The following VHLL variants were observed in gnomAD, a reference collection of about 807,000 sequenced individuals.
The protein encoded by VHLL is VHL like, also known as von Hippel-Lindau-like protein.
Under a neutral mutation model 3.5 loss-of-function variants are expected in VHLL, and 4 were observed. The ratio of observed to expected loss-of-function variants is 1.13; its 90% CI spans 0.56 to 2.59. VHLL has a LOEUF of 2.59. VHLL is among the 30% of genes most tolerant of loss of function. The pLI is 0.02. For missense variants in VHLL, 155 were observed against 178.2 expected (o/e 0.87, Z 0.74); for synonymous variants, 77 against 76.0 (o/e 1.01, Z -0.07).
At position 156,299,281 on chromosome 1, in the gene VHLL, G is replaced by C. The variant is rs1002032550; in HGVS notation, c.-92C>G. On this transcript the variant is annotated 5_prime_UTR_variant, in exon 1 of 1. Coordinates refer to ENST00000339922, the MANE Select transcript of VHLL (RefSeq NM_001004319.3). ...CCGGATTTCGGCAAGAGTTACAATG[G>C]AATCAGAAAGGCTGGGAGTATATAA... is the stretch of plus-strand genomic sequence containing the variant. 1.2e-5 allele frequency: 18 copies of C among 1,465,520 alleles called. No individual in the cohort carries two copies. The highest frequency in any genetic ancestry group is 2.8e-5 in the South Asian group (2 of 72,604). The allele number at this position is 1,465,520 out of a possible 1,614,324, so 90.8% of individuals were successfully genotyped here.
In VHLL at chr1:156,299,282, A is replaced by C; in HGVS notation, c.-93T>G. 2 of 1,468,252 alleles carry C rather than the reference A, an allele frequency of 1.4e-6. No homozygotes were observed. The highest frequency in any genetic ancestry group is 2.3e-5 in the Admixed American group (1 of 43,454). The allele number at this position is 1,468,252 out of a possible 1,614,324, so 91.0% of individuals were successfully genotyped here. A position where few individuals can be genotyped will look rare whatever the true frequency, so the allele number is the denominator to read the frequency against. On this transcript the variant is annotated 5_prime_UTR_variant, in exon 1 of 1. The change creates a new upstream start codon in the 5' untranslated region. Transcript: ENST00000339922. ...CGGATTTCGGCAAGAGTTACAATGG[A>C]ATCAGAAAGGCTGGGAGTATATAAC...
At position 156,299,127 on chromosome 1, in the gene VHLL, G is replaced by T; in HGVS notation, c.63C>A (p.Gly21=). The T allele has an allele frequency of 6.2e-7, 1 of 1,608,508 alleles. No homozygotes were observed. The highest frequency in any genetic ancestry group is 1.1e-5 in the South Asian group (1 of 90,468). ...ACTCTTCCTGGCAGTACTCTTCTGG[G>T]CCTGCCTCCTGGGTGCCCGCCTGGG... The part of the protein sequence containing the change: ...LEAQAGTQEA[G]PEEYCQEELG... The change falls in exon 1 of 1, where the codon GGC becomes GGA. Residue 21 remains glycine, a synonymous_variant. Transcript: ENST00000339922.
Position 156,298,987 on chromosome 1 carries a change from G to A in VHLL, c.203C>T (p.Pro68Leu), listed in dbSNP as rs1328599191. ...ICNHSPRIVL[P>L]VWLNYYGKLL... ...CTTGCCATAGTAGTTGAGCCACACA[G>A]GCAGCACGATTCGTGGGCTGTGATT... The change falls in exon 1 of 1, where the codon CCT becomes CTT. Residue 68 changes from proline to leucine, a missense_variant. Coordinates refer to ENST00000339922, the MANE Select transcript of VHLL (RefSeq NM_001004319.3). The A allele has an allele frequency of 2.5e-6, 4 of 1,613,816 alleles. No individual in the cohort carries two copies. In the African/African-American group the frequency reaches 5.3e-5, roughly 22 times the overall value.
In VHLL at chr1:156,299,215, G is replaced by T; in HGVS notation, c.-26C>A. 1 of 1,531,038 alleles carries T rather than the reference G, an allele frequency of 6.5e-7. No homozygotes were observed. The allele number at this position is 1,531,038 out of a possible 1,614,324, so 94.8% of individuals were successfully genotyped here. ...TACCTCCGAAGCCTTGACAACTTGG[G>T]CCTGCCCATACCAGTTCTTAAAGAG... On this transcript the variant is annotated 5_prime_UTR_variant, in exon 1 of 1. Transcript: ENST00000339922.
chr1:156,298,740 G>C lies in VHLL; in HGVS notation c.*30C>G, dbSNP rs772266860. 1 of 1,596,064 alleles carries C rather than the reference G, an allele frequency of 6.3e-7. No homozygotes were observed. The highest frequency in any genetic ancestry group is 1.1e-5 in the South Asian group (1 of 88,324). ...CTCCTGTAATTCTTGGGCTTGACTA[G>C]GCTTCCGACAACCTGGAGGCATTGC... On this transcript the variant is annotated 3_prime_UTR_variant, in exon 1 of 1. Coordinates refer to ENST00000339922, the MANE Select transcript of VHLL (RefSeq NM_001004319.3).
rs1329378646 is a variant in VHLL, at chr1:156,298,965, G to A, written c.225C>T (p.Gly75=). 3 of 1,613,992 alleles carry A rather than the reference G, an allele frequency of 1.9e-6. No homozygotes were observed. The highest frequency in any genetic ancestry group is 2.7e-5 in the African/African-American group (2 of 74,946). ...GCAGCGTCAGGTAGGGCAGCAGCTT[G>A]CCATAGTAGTTGAGCCACACAGGCA... The part of the protein sequence containing the change: ...IVLPVWLNYY[G]KLLPYLTLLP... The change falls in exon 1 of 1, where the codon GGC becomes GGT. Residue 75 remains glycine (G), a synonymous_variant. Transcript: ENST00000339922.
Position 156,298,809 on chromosome 1 carries a change from C to T in VHLL, c.381G>A (p.Gln127=). 1.2e-6 allele frequency: 2 copies of T among 1,614,176 alleles called. No individual in the cohort carries two copies. The highest frequency in any genetic ancestry group is 1.7e-6 in the Non-Finnish European group (2 of 1,180,014). The change falls in exon 1 of 1, where the codon CAG becomes CAA. Residue 127 remains glutamine, a synonymous_variant. Transcript: ENST00000339922. ...LFVPSSNVNG[Q]PVFANITLQC... ...GCAGTGTGATGTTGGCAAAAACAGG[C>T]TGTCCATTAACATTGGAAGATGGCA...
Position 156,298,830 on chromosome 1 carries a change from T to C in VHLL, c.360A>G (p.Pro120=), listed in dbSNP as rs1663717730. The change falls in exon 1 of 1, where the codon CCA becomes CCG. Residue 120 remains proline, a synonymous_variant. Transcript: ENST00000339922. ...LLVNQTELFV[P]SSNVNGQPVF... ...CAGGCTGTCCATTAACATTGGAAGATGGCACAAACAATTCAGTTTGGTTAA... is the reference window on the plus strand; with the variant it reads ...CAGGCTGTCCATTAACATTGGAAGACGGCACAAACAATTCAGTTTGGTTAA... 3 of 1,614,202 alleles carry C rather than the reference T, an allele frequency of 1.9e-6. No homozygotes were observed. The highest frequency in any genetic ancestry group is 2.5e-6 in the Non-Finnish European group (3 of 1,180,030).
In VHLL at chr1:156,298,999, C is replaced by A; in HGVS notation, c.191G>T (p.Arg64Leu). 1 of 1,613,694 alleles carries A rather than the reference C, an allele frequency of 6.2e-7. No individual in the cohort carries two copies. The highest frequency in any genetic ancestry group is 1.7e-5 in the Admixed American group (1 of 60,012). The change falls in exon 1 of 1, where the codon CGA becomes CTA. Residue 64 changes from arginine to leucine, a missense_variant. Arg to Leu is a moderately radical substitution (Grantham distance 102). Transcript: ENST00000339922. ...GTTGAGCCACACAGGCAGCACGATT[C>A]GTGGGCTGTGATTGCAGATGATGAT... ...SRIIICNHSP[R>L]IVLPVWLNYY...
Position 156,298,783 on chromosome 1 carries a change from T to G in VHLL, c.407A>C (p.Gln136Pro), listed in dbSNP as rs1663716733. 6.2e-7 allele frequency: 1 copy of G among 1,613,776 alleles called. No homozygotes were observed. Among genetic ancestry groups the G allele is most frequent in the Non-Finnish European group, 8.5e-7 (1 of 1,179,814 alleles). Residue 136 changes from glutamine (Q) to proline (P), a missense_variant, in exon 1 of 1, where the codon CAG becomes CCG. Gln to Pro is a moderately conservative substitution (Grantham distance 76). Transcript: ENST00000339922. Reference sequence around the variant, plus strand: ...GGCATTGCTCTTTCAGGGTATACACTGCAGTGTGATGTTGGCAAAAACAGG... The same window carrying G: ...GGCATTGCTCTTTCAGGGTATACACGGCAGTGTGATGTTGGCAAAAACAGG... ...GQPVFANITL[Q>P]CIP
In VHLL at chr1:156,299,028, G is replaced by T; in HGVS notation, c.162C>A (p.Ser54=). The change falls in exon 1 of 1, where the codon TCC becomes TCA. Residue 54 remains serine (S), a synonymous_variant. Coordinates refer to ENST00000339922, the MANE Select transcript of VHLL (RefSeq NM_001004319.3). ...GGCTGTGATTGCAGATGATGATCCG[G>T]GAGAGCTCGCGTGAGTTCACAGAGC... is the stretch of plus-strand genomic sequence containing the variant. ...VLRSVNSREL[S]RIIICNHSPR... The T allele has an allele frequency of 6.2e-7, 1 of 1,613,172 alleles. No homozygotes were observed. The highest frequency in any genetic ancestry group is 8.5e-7 in the Non-Finnish European group (1 of 1,180,024).
At position 156,298,845 on chromosome 1, in the gene VHLL, A is replaced by G; in HGVS notation, c.345T>C (p.Thr115=). The G allele has an allele frequency of 6.2e-7, 1 of 1,614,212 alleles. No individual in the cohort carries two copies. Among genetic ancestry groups the G allele is most frequent in the South Asian group, 1.1e-5 (1 of 91,086 alleles). The change falls in exon 1 of 1, where the codon ACT becomes ACC. Residue 115 remains threonine, a synonymous_variant. Transcript: ENST00000339922. ...RTHDKLLVNQ[T]ELFVPSSNVN... Reference sequence around the variant, plus strand: ...CATTGGAAGATGGCACAAACAATTCAGTTTGGTTAACCAGAAGCTTATCAT... The same window carrying G: ...CATTGGAAGATGGCACAAACAATTCGGTTTGGTTAACCAGAAGCTTATCAT...
In VHLL at chr1:156,298,891, A is replaced by G. The variant is rs781250099; in HGVS notation, c.299T>C (p.Leu100Pro). Residue 100 changes from leucine (L) to proline (P), a missense_variant, in exon 1 of 1, where the codon CTC (leucine) becomes CCC (proline). Transcript: ENST00000339922. The part of the protein sequence containing the change: ...RIHNFRSHPW[L>P]FRDARTHDKL... ...ATCATGTGTCCTTGCATCTCTGAAG[A>G]GCCAAGGGTGGCTTCGGAAGTTGTG... 75 of 1,614,078 alleles carry G rather than the reference A, an allele frequency of 4.6e-5. No individual in the cohort carries two copies. The highest frequency in any genetic ancestry group is 6.3e-5 in the Non-Finnish European group (74 of 1,180,048).
In VHLL at chr1:156,298,670, G is replaced by A; in HGVS notation, c.*100C>T. On this transcript the variant is annotated 3_prime_UTR_variant, in exon 1 of 1. Transcript: ENST00000339922. Reference sequence around the variant, plus strand: ...CGCTCCAGGTCTTTCAATCACATTTGGATGATCTTCCAGATCGTCATAGAG... The same window carrying A: ...CGCTCCAGGTCTTTCAATCACATTTAGATGATCTTCCAGATCGTCATAGAG... 7.3e-7 allele frequency: 1 copy of A among 1,370,446 alleles called. No homozygotes were observed. Among genetic ancestry groups the A allele is most frequent in the Admixed American group, 2.1e-5 (1 of 48,076 alleles). The allele number at this position is 1,370,446 out of a possible 1,614,324, so 84.9% of individuals were successfully genotyped here. A position where few individuals can be genotyped will look rare whatever the true frequency, so the allele number is the denominator to read the frequency against.
rs986550850 is a variant in VHLL at position 156,298,942 on chromosome 1, A to G, written c.248T>C (p.Leu83Pro). The change falls in exon 1 of 1, where the codon CTG becomes CCG. Residue 83 changes from leucine to proline, a missense_variant. Transcript: ENST00000339922. ...YYGKLLPYLT[L>P]LPGRDFRIHN... ...GATGCGGAAGTCCCTGCCGGGCAGC[A>G]GCGTCAGGTAGGGCAGCAGCTTGCC... is the stretch of plus-strand genomic sequence containing the variant. 6.2e-7 allele frequency: 1 copy of G among 1,614,184 alleles called. No individual in the cohort carries two copies. The highest frequency in any genetic ancestry group is 1.3e-5 in the African/African-American group (1 of 75,066).
At position 156,299,083 on chromosome 1, in the gene VHLL, A is replaced by G. The variant is rs1558259435; in HGVS notation, c.107T>C (p.Met36Thr). ...CQEELGAEEE[M>T]AARAAWPVLR... is the part of the protein sequence containing the mutation. ...CACAGGCCATGCTGCTCTGGCTGCC[A>G]TCTCCTCCTCGGCGCCCAACTCTTC... Residue 36 changes from methionine to threonine, a missense_variant, in exon 1 of 1, where the codon ATG becomes ACG. Coordinates refer to ENST00000339922, the MANE Select transcript of VHLL (RefSeq NM_001004319.3). 6 of 1,613,426 alleles carry G rather than the reference A, an allele frequency of 3.7e-6. No homozygotes were observed. The highest frequency in any genetic ancestry group is 1.6e-4 in the Middle Eastern group (1 of 6,062).
chr1:156,299,285 CAG>C lies in VHLL; in HGVS notation c.-98_-97del. 1.4e-6 allele frequency: 2 copies of C among 1,462,478 alleles called. No homozygotes were observed. The highest frequency in any genetic ancestry group is 1.8e-6 in the Non-Finnish European group (2 of 1,089,366). 90.6% of individuals were successfully genotyped at this position (1,462,478 alleles called of 1,614,324 possible). ...ATTTCGGCAAGAGTTACAATGGAAT[CAG>C]AAAGGCTGGGAGTATATAACCCCCT... On this transcript the variant is annotated 5_prime_UTR_variant, in exon 1 of 1. Transcript: ENST00000339922.
At position 156,298,686 on chromosome 1, in the gene VHLL, C is replaced by T; in HGVS notation, c.*84G>A. ...ATCACATTTGGATGATCTTCCAGATCGTCATAGAGTGATCTGACGATGTCC... is the reference window on the plus strand; with the variant it reads ...ATCACATTTGGATGATCTTCCAGATTGTCATAGAGTGATCTGACGATGTCC... On this transcript the variant is annotated 3_prime_UTR_variant, in exon 1 of 1. Coordinates refer to ENST00000339922, the MANE Select transcript of VHLL (RefSeq NM_001004319.3). The T allele has an allele frequency of 2.1e-6, 3 of 1,440,746 alleles. No homozygotes were observed. Among genetic ancestry groups the T allele is most frequent in the Non-Finnish European group, 2.8e-6 (3 of 1,055,508 alleles). The allele number at this position is 1,440,746 out of a possible 1,614,324, so 89.2% of individuals were successfully genotyped here.
At position 156,298,691 on chromosome 1, in the gene VHLL, T is replaced by A. The variant is rs1000768571; in HGVS notation, c.*79A>T. ...ATTTGGATGATCTTCCAGATCGTCA[T>A]AGAGTGATCTGACGATGTCCAGTCT... On this transcript the variant is annotated 3_prime_UTR_variant, in exon 1 of 1. Coordinates refer to ENST00000339922, the MANE Select transcript of VHLL (RefSeq NM_001004319.3). 7.2e-5 allele frequency: 106 copies of A among 1,469,008 alleles called. No homozygotes were observed. In the South Asian group the frequency reaches 1.3e-3, roughly 18 times the overall value. The allele number at this position is 1,469,008 out of a possible 1,614,324, so 91.0% of individuals were successfully genotyped here.
Sources: allele counts gnomAD v4.1 joint callset, GRCh38; gene constraint gnomAD v4.1.1; transcripts MANE v1.5; gene names NCBI Gene and HGNC (gene_info 2026-07-23, HGNC 2026-07-21).